The following GATA6 variants were observed in gnomAD, a reference collection of about 807,000 sequenced individuals.
The protein encoded by GATA6 is transcription factor GATA-6.
In GATA6, 11 loss-of-function variants were observed where a neutral mutation model predicts 48.1. The ratio of observed to expected loss-of-function variants is 0.23; its 90% CI spans 0.14 to 0.38. GATA6 has a LOEUF of 0.38. Ranked by LOEUF, GATA6 falls within the 10% of genes least tolerant of loss-of-function variation. GATA6 has a pLI of 1.00. For missense variants in GATA6, 795 were observed against 850.3 expected (o/e 0.93, Z 0.81); for synonymous variants, 419 against 396.1 (o/e 1.06, Z -0.69).
At position 22,172,168 on chromosome 18, in the gene GATA6, G is replaced by C. The variant is rs1468414837; in HGVS notation, c.1024G>C (p.Gly342Arg). The change falls in exon 2 of 7, where the codon GGG becomes CGG. Residue 342 changes from glycine to arginine, a missense_variant. Around this residue, in one of 5 missense-constraint regions of GATA6, gnomAD observed 591 missense variants for 570.0 expected, o/e 1.04. Coordinates refer to ENST00000269216, the MANE Select transcript of GATA6 (RefSeq NM_005257.6). This position sits in a 1 kb window ranked among gnomAD's most constrained non-coding sequence, Gnocchi z 5.2. ...TCCGAGCCCCTACTCGCCCTACGTG[G>C]GGGCGCCACTGACGCCTGCCTGGCC... ...HHPSPYSPYV[G>R]APLTPAWPAG... 5 of 1,533,524 alleles carry C rather than the reference G, an allele frequency of 3.3e-6. No individual in the cohort carries two copies. The highest frequency in any genetic ancestry group is 4.4e-6 in the Non-Finnish European group (5 of 1,145,770). 95.0% of individuals were successfully genotyped at this position (1,533,524 alleles called of 1,614,324 possible). A position where few individuals can be genotyped will look rare whatever the true frequency, so the allele number is the denominator to read the frequency against.
intron 3 of GATA6, among the ~76,000 whole-genome samples, chr18:22,178,658 G>A (rs937553129): frequency 7.2e-5 from 11 of 152,192 alleles, no homozygotes; most frequent in African/African-American, 2.7e-4. Flanking sequence ...AAATAAAGTG[G>A]CCGAGGTTAA....
At chr18:22,199,091 G>A (rs551861166) in intron 6 of GATA6, among the ~76,000 whole-genome samples, 62 of 152,244 alleles carry the variant, frequency 4.1e-4, no homozygotes, top group African/African-American at 1.4e-3. Context: ...GGGCTTGCTC[G>A]CCTGAAGTCC....
intron 6 of GATA6, among the ~76,000 whole-genome samples, chr18:22,184,859 A>C (rs1034023602): frequency 1.3e-5 from 2 of 152,088 alleles, no homozygotes; most frequent in Non-Finnish European, 2.9e-5. Flanking sequence ...GAGGCAAAAC[A>C]ATTTGGTTTT....
chr18:22,181,321 C>T, intron 3 of GATA6, 132 bp from the exon 4 acceptor site: 2 of 1,158,492 alleles, frequency 1.7e-6, no homozygotes, highest in East Asian at 2.6e-5. Context: ...TTTTTTTTCT[C>T]AAGGACCATT....
At chr18:22,188,877 C>T (rs1053406734) in intron 6 of GATA6, among the ~76,000 whole-genome samples, 3 of 151,648 alleles carry the variant, frequency 2.0e-5, no homozygotes, top group African/African-American at 7.3e-5. Context: ...GTTGGAGTGG[C>T]TGCCTGGCTA....
intron 6 of GATA6, among the ~76,000 whole-genome samples, chr18:22,188,163 C>T (rs1244410677): frequency 6.6e-6 from 1 of 152,040 alleles, no homozygotes; most frequent in Non-Finnish European, 1.5e-5. Context: ...CATCATTAAA[C>T]ATAAAGTGTT....
chr18:22,177,649 A>T (rs2033140405), intron 3 of GATA6, among the ~76,000 whole-genome samples: 1 of 152,072 alleles, frequency 6.6e-6, no homozygotes, highest in Non-Finnish European at 1.5e-5. Context: ...ATGCTCACTT[A>T]TACCATTCGT....
At chr18:22,194,070 GAAA>G (rs113879738) in intron 6 of GATA6, among the ~76,000 whole-genome samples, 1 of 141,206 alleles carries the variant, frequency 7.1e-6, no homozygotes, top group Non-Finnish European at 1.6e-5. Context: ...CTCCTCACAG[GAAA>G]AAAAAAAAAA....
intron 2 of GATA6, among the ~76,000 whole-genome samples, chr18:22,174,236 T>C (rs938111849): frequency 5.9e-5 from 9 of 152,182 alleles, no homozygotes; most frequent in East Asian, 1.9e-4. Flanking sequence ...TATCTGCAGA[T>C]TGAGCCAGCG....
At chr18:22,179,998 A>G (rs1235975566) in intron 3 of GATA6, 1 of 152,186 alleles carries the variant, frequency 6.6e-6, no homozygotes, top group Non-Finnish European at 1.5e-5. Flanking sequence ...TGAATATTCG[A>G]TACATACTCA....
intron 6 of GATA6, among the ~76,000 whole-genome samples, chr18:22,199,296 C>A (rs1367981310): frequency 6.6e-6 from 1 of 152,112 alleles, no homozygotes; most frequent in African/African-American, 2.4e-5. Context: ...AAAAGAAATT[C>A]TGTGAAAAGT....
At chr18:22,169,944 G>T (rs1343893883) in intron 1 of GATA6, among the ~76,000 whole-genome samples, 1 of 152,260 alleles carries the variant, frequency 6.6e-6, no homozygotes, top group African/African-American at 2.4e-5. Flanking sequence ...CAAAGGGGCG[G>T]GAGCCGGTAG....
intron 3 of GATA6, 56 bp downstream of exon 3, chr18:22,177,177 C>G: frequency 6.8e-7 from 1 of 1,461,860 alleles, no homozygotes; most frequent in Non-Finnish European, 9.1e-7. Context: ...TCTCCTGGCC[C>G]GGCCGGCCCC....
chr18:22,188,155 T>C (rs1299305919), intron 6 of GATA6, among the ~76,000 whole-genome samples: 1 of 152,216 alleles, frequency 6.6e-6, no homozygotes, highest in African/African-American at 2.4e-5. Context: ...ATTGAAATCA[T>C]CATTAAACAT....
At chr18:22,184,687 C>CGG (rs1254346487) in intron 6 of GATA6, among the ~76,000 whole-genome samples, 2 of 151,742 alleles carry the variant, frequency 1.3e-5, no homozygotes, top group African/African-American at 2.4e-5. Context: ...TTAGTAGAGA[C>CGG]GGGGTTTCAC....
chr18:22,183,855 G>A (rs1344880903), intron 6 of GATA6, among the ~76,000 whole-genome samples: 4 of 152,340 alleles, frequency 2.6e-5, no homozygotes, highest in East Asian at 1.9e-4. Flanking sequence ...CAGGGCCTGC[G>A]GCAAGCAGGA....
rs922570984 is a variant in GATA6 at position 22,172,252 on chromosome 18, C to T, written c.1108C>T (p.Leu370Phe). Residue 370 changes from leucine to phenylalanine, a missense_variant, in exon 2 of 7, where the codon CTC becomes TTC. Transcript: ENST00000269216. This position sits in a 1 kb window ranked among gnomAD's most constrained non-coding sequence, Gnocchi z 5.2. ...HSLQSRAGAP[L>F]PVPRGPSADL... ...CCTGCAGAGCCGCGCCGGAGCCCCG[C>T]TCCCGGTGCCCCGGGGTCCCAGTGC... is the stretch of plus-strand genomic sequence containing the variant. The T allele has an allele frequency of 2.6e-6, 4 of 1,533,640 alleles. No individual in the cohort carries two copies. Among genetic ancestry groups the T allele is most frequent in the Middle Eastern group, 1.9e-4 (1 of 5,220 alleles).
At chr18:22,187,779 C>A (rs951974939) in intron 6 of GATA6, among the ~76,000 whole-genome samples, 1 of 151,606 alleles carries the variant, frequency 6.6e-6, no homozygotes, top group South Asian at 2.1e-4. Flanking sequence ...TTCTTAATTT[C>A]TTTTGTAATA....
chr18:22,181,336 T>G (rs879678055), intron 3 of GATA6, 117 bp from the exon 4 acceptor site: 3 of 1,259,186 alleles, frequency 2.4e-6, no homozygotes, highest in Non-Finnish European at 3.4e-6. Flanking sequence ...ACCATTTCAT[T>G]TATAATAAAA....
Sources: allele counts gnomAD v4.1 joint callset (sites outside exome capture counted in the v4.1 genomes callset), GRCh38; gene constraint gnomAD v4.1.1; regional missense constraint gnomAD v4.1.1; non-coding constraint Gnocchi (gnomAD v3.1); transcripts MANE v1.5; gene names NCBI Gene and HGNC (gene_info 2026-07-23, HGNC 2026-07-21).